Variants in OGDH observed in about 807,000 individuals in gnomAD.
OGDH encodes 2-oxoglutarate dehydrogenase complex component E1.
OGDH carries 38 observed loss-of-function variants against 116.6 expected under a neutral mutation model. That is an observed-to-expected ratio of 0.33 (90% CI 0.25 to 0.43). The LOEUF (loss-of-function observed/expected upper bound fraction) is 0.43. Ranked by LOEUF, OGDH falls within the 20% of genes least tolerant of loss-of-function variation. OGDH has a pLI of 1.00. For missense variants in OGDH, 825 were observed against 1,357.2 expected, an observed-to-expected ratio of 0.61 and a Z score of 6.16; for synonymous variants, 488 against 533.3, an observed-to-expected ratio of 0.92 and a Z score of 1.17.
rs187534308 is a variant in OGDH, at chr7:44,653,372, G to A, written c.517+5613G>A. Reference sequence around the variant, plus strand: ...ACTCCCAAAGTGTTGGGATTACAGAGGTGAGCCACTGCGCCTGGCCCAATT... The same window carrying A: ...ACTCCCAAAGTGTTGGGATTACAGAAGTGAGCCACTGCGCCTGGCCCAATT... On this transcript the variant is annotated intron_variant, in intron 4 of 22. Transcript: ENST00000222673. 8.6e-3 allele frequency among the ~76,000 whole-genome samples: 1,304 copies of A among 152,156 alleles called. 11 individuals carry two copies. The highest frequency in any genetic ancestry group is 0.014 in the Non-Finnish European group (940 of 67,996).
intron 9 of OGDH, 100 bp downstream of exon 9, chr7:44,676,249 A>G (rs562755611): frequency 3.7e-5 from 59 of 1,596,690 alleles, no homozygotes; most frequent in Middle Eastern, 1.7e-4. Flanking sequence ...GGGTGCATCT[A>G]GACTTTAAAA....
chr7:44,667,545 G>A (rs1162841540), intron 5 of OGDH, among the ~76,000 whole-genome samples: 1 of 151,936 alleles, frequency 6.6e-6, no homozygotes, highest in Non-Finnish European at 1.5e-5. Flanking sequence ...CTTCTCTCTG[G>A]ACTCTGTTAG....
intron 5 of OGDH, 150 bp downstream of exon 5, chr7:44,667,001 G>T: frequency 1.7e-6 from 1 of 572,672 alleles, no homozygotes; most frequent in East Asian, 3.2e-5. Context: ...AGGCTAGAAT[G>T]CAGTGACACA....
chr7:44,694,605 G>T lies in OGDH; in HGVS notation c.1668+29G>T. The T allele has an allele frequency of 1.2e-6, 2 of 1,609,046 alleles. No individual in the cohort carries two copies. The highest frequency in any genetic ancestry group is 1.7e-6 in the Non-Finnish European group (2 of 1,175,792). Reference sequence around the variant, plus strand: ...CGTCCCTGCGGCTCTATCCCAGTGCGCCTTTCCAGGGCTGGCGATGACTAG... The same window carrying T: ...CGTCCCTGCGGCTCTATCCCAGTGCTCCTTTCCAGGGCTGGCGATGACTAG... On this transcript the variant is annotated intron_variant, in intron 12 of 22. Transcript: ENST00000222673. The surrounding 1 kb of genome is among the most constrained non-coding windows in gnomAD (Gnocchi z 4.2).
At chr7:44,630,580 G>C (rs373379537) in intron 2 of OGDH, among the ~76,000 whole-genome samples, 141 of 152,288 alleles carry the variant, frequency 9.3e-4, no homozygotes, top group African/African-American at 3.2e-3. Flanking sequence ...TGGTATCTGT[G>C]GGGGATTGGT....
At chr7:44,676,931 C>T (rs1039954792) in intron 9 of OGDH, among the ~76,000 whole-genome samples, 5 of 152,006 alleles carry the variant, frequency 3.3e-5, no homozygotes, top group South Asian at 2.1e-4. Flanking sequence ...CGGGAGTTCA[C>T]GGGCTGGTAG....
At chr7:44,613,497 C>T (rs1391855000) in intron 1 of OGDH, among the ~76,000 whole-genome samples, 3 of 151,584 alleles carry the variant, frequency 2.0e-5, no homozygotes, top group African/African-American at 4.8e-5. Context: ...GTAGCTGGGA[C>T]TATAGGCGCC....
At chr7:44,678,083 G>A (rs1441559151) in intron 9 of OGDH, among the ~76,000 whole-genome samples, 1 of 152,044 alleles carries the variant, frequency 6.6e-6, no homozygotes, top group African/African-American at 2.4e-5. Flanking sequence ...GGGACGCAGA[G>A]GTCATTCCAT....
chr7:44,707,495 C>T lies in OGDH; in HGVS notation c.2797-87C>T. The T allele has an allele frequency of 6.3e-7, 1 of 1,595,580 alleles. No homozygotes were observed. The highest frequency in any genetic ancestry group is 8.5e-7 in the Non-Finnish European group (1 of 1,169,956). On this transcript the variant is annotated intron_variant, in intron 21 of 22. Transcript: ENST00000222673. The surrounding 1 kb of genome is among the most constrained non-coding windows in gnomAD (Gnocchi z 5.2). ...GTGTGGCCCTCAGGTTCCTGACCTTCCCTGCTCGGAACACCAGTTTCCCTT... is the reference window on the plus strand; with the variant it reads ...GTGTGGCCCTCAGGTTCCTGACCTTTCCTGCTCGGAACACCAGTTTCCCTT...
In OGDH at chr7:44,707,250, A is replaced by G. The variant is rs1331866147; in HGVS notation, c.2658A>G (p.Pro886=). ...GAACCCACTTCCAGCGGGTGATCCC[A>G]GAAGATGGCCCTGCAGCTCAGAACC... ...LPGTHFQRVI[P]EDGPAAQNPE... Residue 886 remains proline, a synonymous_variant, in exon 21 of 23, where the codon CCA becomes CCG. Transcript: ENST00000222673. This position sits in a 1 kb window ranked among gnomAD's most constrained non-coding sequence, Gnocchi z 5.2. The G allele has an allele frequency of 1.2e-6, 2 of 1,614,138 alleles. No homozygotes were observed. Among genetic ancestry groups the G allele is most frequent in the African/African-American group, 1.3e-5 (1 of 74,952 alleles).
Position 44,708,074 on chromosome 7 carries a change from G to T in OGDH, c.*75G>T. 1.3e-6 allele frequency: 2 copies of T among 1,554,940 alleles called. No homozygotes were observed. Among genetic ancestry groups the T allele is most frequent in the Non-Finnish European group, 1.7e-6 (2 of 1,153,330 alleles). On this transcript the variant is annotated 3_prime_UTR_variant, in exon 23 of 23. Transcript: ENST00000222673. Reference sequence around the variant, plus strand: ...CCCCTTGCTTCTCAACTAAAGAATAGTGCCTCAGCGCTGCCCACACCACCG... The same window carrying T: ...CCCCTTGCTTCTCAACTAAAGAATATTGCCTCAGCGCTGCCCACACCACCG...
At chr7:44,645,651 C>T (rs1442737794) in intron 3 of OGDH, 133 bp downstream of exon 3, 15 of 847,946 alleles carry the variant, frequency 1.8e-5, no homozygotes, top group Admixed American at 9.2e-5. Context: ...GGTGCTTTCT[C>T]CCTGCTTTGG....
intron 2 of OGDH, among the ~76,000 whole-genome samples, chr7:44,632,468 A>G (rs528184986): frequency 3.6e-4 from 55 of 152,232 alleles, no homozygotes; most frequent in Non-Finnish European, 2.9e-5. Context: ...ATGCCTGACT[A>G]ATATTTTATA....
Position 44,707,487 on chromosome 7 carries a change from C to G in OGDH, c.2797-95C>G. 6.3e-7 allele frequency: 1 copy of G among 1,594,174 alleles called. No homozygotes were observed. The highest frequency in any genetic ancestry group is 8.6e-7 in the Non-Finnish European group (1 of 1,169,456). On this transcript the variant is annotated intron_variant, in intron 21 of 22. Transcript: ENST00000222673. The surrounding 1 kb of genome is among the most constrained non-coding windows in gnomAD (Gnocchi z 5.2). ...TGCTTGGGGTGTGGCCCTCAGGTTC[C>G]TGACCTTCCCTGCTCGGAACACCAG... is the stretch of plus-strand genomic sequence containing the variant.
rs937095784 is a variant in OGDH at position 44,646,207 on chromosome 7, G to A, written c.414+689G>A. On this transcript the variant is annotated intron_variant, in intron 3 of 22. Coordinates refer to ENST00000222673, the MANE Select transcript of OGDH (RefSeq NM_002541.4). ...CTTCATCTGTGATAGTTCTAAGGAC[G>A]ACAGGTAGAGACAAGTGAGCCTGGT... Among the ~76,000 whole-genome samples the A allele has an allele frequency of 1.1e-4, 16 of 152,206 alleles. No homozygotes were observed. In the East Asian group the frequency reaches 1.7e-3, roughly 16 times the overall value.
In OGDH at chr7:44,673,846, C is replaced by T. The variant is rs771366033; in HGVS notation, c.693C>T (p.Cys231=). ...TGTTCATCAATGACCTGGAGCAGTGCCAGTGGATCCGGCAGAAGTTTGAGA... is the reference window on the plus strand; with the variant it reads ...TGTTCATCAATGACCTGGAGCAGTGTCAGTGGATCCGGCAGAAGTTTGAGA... ...EFMFINDLEQ[C]QWIRQKFETP... Residue 231 remains cysteine, a synonymous_variant, in exon 6 of 23, where the codon TGC becomes TGT. Coordinates refer to ENST00000222673, the MANE Select transcript of OGDH (RefSeq NM_002541.4). The T allele has an allele frequency of 4.6e-5, 75 of 1,614,064 alleles. No individual in the cohort carries two copies. The highest frequency in any genetic ancestry group is 8.5e-7 in the Non-Finnish European group (1 of 1,180,000).
intron 1 of OGDH, among the ~76,000 whole-genome samples, chr7:44,617,807 T>G (rs1784861029): frequency 6.6e-6 from 1 of 152,142 alleles, no homozygotes; most frequent in Non-Finnish European, 1.5e-5. Context: ...GATGTGTGGG[T>G]TTTTTTCCCT....
At chr7:44,628,041 G>A (rs1484339891) in intron 2 of OGDH, among the ~76,000 whole-genome samples, 1 of 152,184 alleles carries the variant, frequency 6.6e-6, no homozygotes, top group African/African-American at 2.4e-5. Flanking sequence ...AGAGAGAAGA[G>A]TAGATGATAA....
chr7:44,656,807 CA>C (rs1786710866), intron 4 of OGDH, among the ~76,000 whole-genome samples: 1 of 152,116 alleles, frequency 6.6e-6, no homozygotes, highest in Non-Finnish European at 1.5e-5. Flanking sequence ...GCAAGATTTC[CA>C]AAATGTTTTA....
Sources: allele counts gnomAD v4.1 joint callset (sites outside exome capture counted in the v4.1 genomes callset), GRCh38; gene constraint gnomAD v4.1.1; non-coding constraint Gnocchi (gnomAD v3.1); transcripts MANE v1.5; gene names NCBI Gene and HGNC (gene_info 2026-07-23, HGNC 2026-07-21).